Variants in DGKI observed in about 807,000 individuals in gnomAD.
The protein encoded by DGKI is diacylglycerol kinase iota.
DGKI carries 55 observed loss-of-function variants against 147.5 expected under a neutral mutation model. That is an observed-to-expected ratio of 0.37 (90% CI 0.30 to 0.47). The LOEUF (loss-of-function observed/expected upper bound fraction) is 0.47, where lower values mean the gene tolerates loss of function less well. Ranked by LOEUF, DGKI falls within the 20% of genes least tolerant of loss-of-function variation. The pLI is 1.00. For missense variants in DGKI, 1,007 were observed against 1,323.8 expected (o/e 0.76, Z 3.71); for synonymous variants, 469 against 477.1 (o/e 0.98, Z 0.22).
At position 137,389,105 on chromosome 7, in the gene DGKI, G is replaced by A. The variant is rs1811268761; in HGVS notation, c.*2115C>T. 6.6e-6 allele frequency: 1 copy of A among 152,148 alleles called. No individual in the cohort carries two copies. Among genetic ancestry groups the A allele is most frequent in the Non-Finnish European group, 1.5e-5 (1 of 68,024 alleles). The allele number at this position is 152,148 out of a possible 1,614,324, so 9.4% of individuals were successfully genotyped here. A position where few individuals can be genotyped will look rare whatever the true frequency, so the allele number is the denominator to read the frequency against. ...GCCATTCAAAGCCAGATTCCAGTTT[G>A]TGTTAAGGATTATATTTCTGTCATC... On this transcript the variant is annotated 3_prime_UTR_variant, in exon 33 of 33. Coordinates refer to ENST00000614521, the MANE Select transcript of DGKI (RefSeq NM_001321708.2).
chr7:137,604,980 T>C (rs2128991287), intron 10 of DGKI, among the ~76,000 whole-genome samples: 1 of 152,290 alleles, frequency 6.6e-6, no homozygotes, highest in East Asian at 1.9e-4. Context: ...GTAAACTTTA[T>C]GTTACACTTA....
At chr7:137,517,475 T>A (rs561915494) in intron 21 of DGKI, among the ~76,000 whole-genome samples, 1 of 152,010 alleles carries the variant, frequency 6.6e-6, no homozygotes, top group Non-Finnish European at 1.5e-5. Flanking sequence ...CAGAAGAGAC[T>A]AGGGAGCTAT....
chr7:137,408,005 G>A lies in DGKI; in HGVS notation c.2800-10C>T, dbSNP rs1812020586. 1.9e-6 allele frequency: 3 copies of A among 1,612,860 alleles called. No homozygotes were observed. Among genetic ancestry groups the A allele is most frequent in the African/African-American group, 1.3e-5 (1 of 74,784 alleles). On this transcript the variant is annotated splice_polypyrimidine_tract_variant and intron_variant, in intron 29 of 32. Coordinates refer to ENST00000614521, the MANE Select transcript of DGKI (RefSeq NM_001321708.2). ...TATAGCTTTCTATTAGCTGCAAAGA[G>A]AGACATACAAAAAGAAGCTCAGGCA...
chr7:137,473,557 A>G (rs747708277), intron 23 of DGKI, among the ~76,000 whole-genome samples: 16 of 152,178 alleles, frequency 1.1e-4, no homozygotes, highest in Non-Finnish European at 2.1e-4. Context: ...GAATTCAACA[A>G]AATAAGAAGA....
chr7:137,631,152 G>A (rs888925505), intron 6 of DGKI, among the ~76,000 whole-genome samples: 9 of 152,136 alleles, frequency 5.9e-5, no homozygotes, highest in African/African-American at 1.9e-4. Flanking sequence ...GCCTTAGCTC[G>A]TTGATTGCAG....
intron 20 of DGKI, among the ~76,000 whole-genome samples, chr7:137,550,047 T>C (rs1026415760): frequency 3.9e-5 from 6 of 152,210 alleles, no homozygotes; most frequent in Non-Finnish European, 8.8e-5. Context: ...ATGAAAATTA[T>C]ACTATTATTC....
Position 137,585,360 on chromosome 7 carries a change from G to A in DGKI, c.1426-14C>T. The A allele has an allele frequency of 6.2e-7, 1 of 1,613,202 alleles. No homozygotes were observed. Among genetic ancestry groups the A allele is most frequent in the Non-Finnish European group, 8.5e-7 (1 of 1,179,628 alleles). On this transcript the variant is annotated splice_polypyrimidine_tract_variant and intron_variant, in intron 13 of 32. Coordinates refer to ENST00000614521, the MANE Select transcript of DGKI (RefSeq NM_001321708.2). ...ATCAGTGTAGCCCTGAGGAATCAGAGAACATATCCATTGCTGTCCAGAGTG... is the reference window on the plus strand; with the variant it reads ...ATCAGTGTAGCCCTGAGGAATCAGAAAACATATCCATTGCTGTCCAGAGTG...
At chr7:137,439,619 A>T (rs1813416616) in intron 28 of DGKI, among the ~76,000 whole-genome samples, 1 of 152,222 alleles carries the variant, frequency 6.6e-6, no homozygotes, top group Non-Finnish European at 1.5e-5. Context: ...GGTGAGATTT[A>T]GGTGGGGACA....
chr7:137,549,192 C>T (rs1310918431), intron 20 of DGKI, among the ~76,000 whole-genome samples: 2 of 152,056 alleles, frequency 1.3e-5, no homozygotes, highest in African/African-American at 2.4e-5. Context: ...TTAATGAGTC[C>T]AGTTTCTAGC....
chr7:137,784,579 G>A (rs1305846449), intron 1 of DGKI, among the ~76,000 whole-genome samples: 1 of 151,916 alleles, frequency 6.6e-6, no homozygotes, highest in Non-Finnish European at 1.5e-5. Context: ...GATCGAAAAT[G>A]AACAAAGAAA....
intron 2 of DGKI, among the ~76,000 whole-genome samples, chr7:137,687,841 T>C (rs530325207): frequency 1.1e-4 from 17 of 152,300 alleles, no homozygotes; most frequent in African/African-American, 3.9e-4. Flanking sequence ...TGTCATGCCA[T>C]ACTTTCAACA....
intron 24 of DGKI, 68 bp downstream of exon 24, chr7:137,469,482 T>C: frequency 6.6e-7 from 1 of 1,507,748 alleles, no homozygotes; most frequent in Middle Eastern, 1.8e-4. Context: ...GAGCCCACCC[T>C]ATCAATTGAT....
At chr7:137,441,983 G>C (rs1813527865) in intron 28 of DGKI, among the ~76,000 whole-genome samples, 1 of 152,116 alleles carries the variant, frequency 6.6e-6, no homozygotes, top group South Asian at 2.1e-4. Flanking sequence ...AATATATTTT[G>C]AGTGGTGGAT....
At chr7:137,691,806 T>TTTTTTTTTTTTG (rs1823618240) in intron 1 of DGKI, among the ~76,000 whole-genome samples, 1 of 132,176 alleles carries the variant, frequency 7.6e-6, no homozygotes, top group Non-Finnish European at 1.5e-5. Context: ...GGGTTTTTTT[T>TTTTTTTTTTTTG]TTTTTTTTTT....
chr7:137,438,439 T>G (rs1437538170), intron 28 of DGKI, among the ~76,000 whole-genome samples: 5 of 152,106 alleles, frequency 3.3e-5, no homozygotes, highest in African/African-American at 1.2e-4. Context: ...CAAGTGTTGG[T>G]GAGGATGTAG....
intron 3 of DGKI, among the ~76,000 whole-genome samples, chr7:137,669,599 C>T (rs548901499): frequency 2.0e-4 from 31 of 152,174 alleles, no homozygotes; most frequent in African/African-American, 6.5e-4. Context: ...TACACAAACA[C>T]GCAAATGCAG....
intron 1 of DGKI, among the ~76,000 whole-genome samples, chr7:137,706,426 C>T (rs1794025272): frequency 6.6e-6 from 1 of 151,672 alleles, no homozygotes; most frequent in South Asian, 2.1e-4. Context: ...ACAGTGTTTA[C>T]CTTGAAGAGG....
chr7:137,752,113 C>A (rs1478145947), intron 1 of DGKI, among the ~76,000 whole-genome samples: 1 of 152,172 alleles, frequency 6.6e-6, no homozygotes, highest in Non-Finnish European at 1.5e-5. Flanking sequence ...CAAAACTTAT[C>A]CCCAGAAACC....
At chr7:137,625,922 A>ATTATGTGAAAAGTGC (rs963203909) in intron 6 of DGKI, among the ~76,000 whole-genome samples, 7 of 152,046 alleles carry the variant, frequency 4.6e-5, no homozygotes, top group Non-Finnish European at 7.4e-5. Context: ...CTCTTATGTG[A>ATTATGTGAAAAGTGC]TTATGTGAAA....
Sources: gnomAD v4.1 joint callset for allele counts (sites outside exome capture counted in the v4.1 genomes callset) on GRCh38, gnomAD v4.1.1 for gene constraint, MANE v1.5 for transcripts, NCBI Gene and HGNC (gene_info 2026-07-23, HGNC 2026-07-21) for gene names.